Variants in SETD3 observed in about 807,000 individuals in gnomAD.
SETD3 encodes actin-histidine N-methyltransferase.
Under a neutral mutation model 63.0 loss-of-function variants are expected in SETD3, and 19 were observed. That is an observed-to-expected ratio of 0.30 (90% CI 0.21 to 0.44). The LOEUF (loss-of-function observed/expected upper bound fraction) is 0.44. Ranked by LOEUF, SETD3 falls within the 20% of genes least tolerant of loss-of-function variation. The pLI is 1.00. For synonymous variants in SETD3, 286 were observed against 264.1 expected, an observed-to-expected ratio of 1.08 and a Z score of -0.80; for missense variants, 587 against 728.5, an observed-to-expected ratio of 0.81 and a Z score of 2.24.
rs1892068949 is a variant in SETD3 at position 99,412,789 on chromosome 14, T to C, written c.849+162A>G. On this transcript the variant is annotated intron_variant, in intron 8 of 12. Coordinates refer to ENST00000331768, the MANE Select transcript of SETD3 (RefSeq NM_032233.3). ...AGTAAAAGAAAAATACCAGCTTCTA[T>C]CTGTGGGCGGTGGGGAGGAGTGGCC... 1.9e-5 allele frequency: 11 copies of C among 589,126 alleles called. No individual in the cohort carries two copies. The South Asian group carries it at 2.0e-4, about 11-fold the overall frequency. 36.5% of individuals were successfully genotyped at this position (589,126 alleles called of 1,614,324 possible). A position where few individuals can be genotyped will look rare whatever the true frequency, so the allele number is the denominator to read the frequency against.
chr14:99,467,719 G>A (rs1028398045), intron 1 of SETD3, among the ~76,000 whole-genome samples: 17 of 152,180 alleles, frequency 1.1e-4, no homozygotes, highest in African/African-American at 2.4e-4. Context: ...AGGCAAGAAC[G>A]TCACTTTGAT....
chr14:99,407,491 T>C (rs894356287), intron 8 of SETD3, among the ~76,000 whole-genome samples: 14 of 152,214 alleles, frequency 9.2e-5, no homozygotes, highest in African/African-American at 2.9e-4. Flanking sequence ...AATCCAATAC[T>C]GTCCTTCTGG....
chr14:99,422,737 G>T (rs1168162901), intron 6 of SETD3, among the ~76,000 whole-genome samples: 4 of 152,154 alleles, frequency 2.6e-5, no homozygotes, highest in African/African-American at 9.7e-5. Flanking sequence ...GTTTACTTAG[G>T]TAAATCTCAC....
chr14:99,448,924 A>T (rs139809604), intron 6 of SETD3, among the ~76,000 whole-genome samples: 105 of 152,390 alleles, frequency 6.9e-4, no homozygotes, highest in African/African-American at 2.5e-3. Flanking sequence ...GCAATTTTTT[A>T]TTAAGCACTC....
chr14:99,467,718 C>A (rs1595267898), intron 1 of SETD3, among the ~76,000 whole-genome samples: 1 of 152,190 alleles, frequency 6.6e-6, no homozygotes, highest in Admixed American at 6.5e-5. Flanking sequence ...GAGGCAAGAA[C>A]GTCACTTTGA....
rs964441875 is a variant in SETD3, at chr14:99,414,230, C to T, written c.676-296G>A. ...TAAGGTGGACCGACTTTACAAAAGG[C>T]AGGCACGCCTACGCGATGAGCACTG... is the stretch of plus-strand genomic sequence containing the variant. On this transcript the variant is annotated intron_variant, in intron 6 of 12. Transcript: ENST00000331768. Among the ~76,000 whole-genome samples, 4 of 152,248 alleles carry T rather than the reference C, an allele frequency of 2.6e-5. No individual in the cohort carries two copies. In the East Asian group the frequency reaches 5.8e-4, roughly 22 times the overall value.
At chr14:99,437,255 T>C (rs1893536465) in intron 6 of SETD3, among the ~76,000 whole-genome samples, 1 of 152,150 alleles carries the variant, frequency 6.6e-6, no homozygotes, top group African/African-American at 2.4e-5. Flanking sequence ...CCTTCCAGCA[T>C]GTCTACCTTG....
chr14:99,440,885 A>G (rs1893771370), intron 6 of SETD3, among the ~76,000 whole-genome samples: 1 of 152,166 alleles, frequency 6.6e-6, no homozygotes, highest in South Asian at 2.1e-4. Flanking sequence ...TTATCTGAAG[A>G]GATGCTCGAT....
chr14:99,421,275 CA>C (rs1194404380), intron 6 of SETD3, among the ~76,000 whole-genome samples: 1 of 151,962 alleles, frequency 6.6e-6, no homozygotes, highest in African/African-American at 2.4e-5. Context: ...TAGAGTGTAT[CA>C]AAAAAGCAGG....
chr14:99,416,086 T>C (rs1274006061), intron 6 of SETD3, among the ~76,000 whole-genome samples: 3 of 152,154 alleles, frequency 2.0e-5, no homozygotes, highest in African/African-American at 7.2e-5. Flanking sequence ...TATAAGAATC[T>C]TGAGACATTC....
chr14:99,433,591 C>T (rs1893303457), intron 6 of SETD3, among the ~76,000 whole-genome samples: 1 of 152,074 alleles, frequency 6.6e-6, no homozygotes, highest in Non-Finnish European at 1.5e-5. Flanking sequence ...GCATGTGCCA[C>T]CACACCCAGC....
intron 6 of SETD3, among the ~76,000 whole-genome samples, chr14:99,416,761 A>G (rs902840591): frequency 7.9e-5 from 12 of 152,168 alleles, no homozygotes; most frequent in African/African-American, 2.4e-4. Context: ...TTTTCTCCAG[A>G]TTTTTTAAGT....
chr14:99,451,600 G>T lies in SETD3; in HGVS notation c.675+6679C>A, dbSNP rs545458873. Among the ~76,000 whole-genome samples the T allele has an allele frequency of 7.9e-5, 12 of 152,236 alleles. No homozygotes were observed. The East Asian group carries it at 2.3e-3, about 29-fold the overall frequency. ...CGGCTCACTGCAGCCTCAACTTCCT[G>T]TGTTTAAGCGATTCTCCTGCCTCAG... On this transcript the variant is annotated intron_variant, in intron 6 of 12. Transcript: ENST00000331768.
chr14:99,453,552 C>T (rs1489878347), intron 6 of SETD3, among the ~76,000 whole-genome samples: 2 of 152,038 alleles, frequency 1.3e-5, no homozygotes, highest in South Asian at 2.1e-4. Flanking sequence ...TGGCCAGGCG[C>T]GGTGGCTTAT....
At chr14:99,480,209 T>G (rs1216534489) in intron 1 of SETD3, among the ~76,000 whole-genome samples, 1 of 151,396 alleles carries the variant, frequency 6.6e-6, no homozygotes, top group Admixed American at 6.6e-5. Context: ...GAGAGGAACA[T>G]AAAACCGCAC....
intron 6 of SETD3, among the ~76,000 whole-genome samples, chr14:99,447,645 C>T (rs928804925): frequency 6.6e-5 from 10 of 152,194 alleles, no homozygotes; most frequent in African/African-American, 2.4e-4. Flanking sequence ...TTTATAAAGG[C>T]ACCGGCAACT....
chr14:99,464,076 A>T (rs1274240973), intron 2 of SETD3, among the ~76,000 whole-genome samples: 2 of 152,226 alleles, frequency 1.3e-5, no homozygotes, highest in African/African-American at 2.4e-5. Flanking sequence ...GTCGACAAAC[A>T]TTTCACATCC....
intron 6 of SETD3, among the ~76,000 whole-genome samples, chr14:99,421,516 C>T (rs1464533840): frequency 1.3e-5 from 2 of 151,954 alleles, no homozygotes; most frequent in Non-Finnish European, 2.9e-5. Flanking sequence ...AGGTAACTGA[C>T]ATTCAGAATA....
At position 99,437,691 on chromosome 14, in the gene SETD3, G is replaced by A. The variant is rs553732950; in HGVS notation, c.675+20588C>T. Reference sequence around the variant, plus strand: ...TGCCTGTACGTGTATACGTGTGTGTGTGTGTGACACACAGAAAGATTGATT... The same window carrying A: ...TGCCTGTACGTGTATACGTGTGTGTATGTGTGACACACAGAAAGATTGATT... On this transcript the variant is annotated intron_variant, in intron 6 of 12. Coordinates refer to ENST00000331768, the MANE Select transcript of SETD3 (RefSeq NM_032233.3). 3.9e-5 allele frequency among the ~76,000 whole-genome samples: 6 copies of A among 152,296 alleles called. No homozygotes were observed. In the South Asian group the frequency reaches 1.2e-3, roughly 32 times the overall value.
Sources: allele counts gnomAD v4.1 joint callset (sites outside exome capture counted in the v4.1 genomes callset), GRCh38; gene constraint gnomAD v4.1.1; transcripts MANE v1.5; gene names NCBI Gene and HGNC (gene_info 2026-07-23, HGNC 2026-07-21).